The following SIL1 variants were observed in gnomAD, a reference collection of about 807,000 sequenced individuals.
The protein encoded by SIL1 is nucleotide exchange factor SIL1.
SIL1 carries 40 observed loss-of-function variants against 49.1 expected under a neutral mutation model. The observed-to-expected ratio is 0.81, with a 90% CI of 0.63 to 1.06. The LOEUF (loss-of-function observed/expected upper bound fraction) is 1.06. Among genes scored for constraint, SIL1 ranks in the 50% least tolerant of loss-of-function variants. SIL1 has a pLI of 0.00. For synonymous variants in SIL1, 253 were observed against 250.8 expected, an observed-to-expected ratio of 1.01 and a Z score of -0.08; for missense variants, 500 against 572.6, an observed-to-expected ratio of 0.87 and a Z score of 1.29.
intron 1 of SIL1, among the ~76,000 whole-genome samples, chr5:139,186,169 C>A (rs147980613): frequency 1.3e-5 from 2 of 152,258 alleles, no homozygotes; most frequent in African/African-American, 4.8e-5. Context: ...TGAGTCACCA[C>A]CTTTCTAGGG....
chr5:139,049,275 C>G (rs183339644), intron 4 of SIL1, among the ~76,000 whole-genome samples: 6 of 152,168 alleles, frequency 3.9e-5, no homozygotes, highest in Admixed American at 3.3e-4. Context: ...CAGGTTCAAG[C>G]GATTCTTCTG....
intron 3 of SIL1, among the ~76,000 whole-genome samples, chr5:139,102,470 A>C (rs546187995): frequency 2.1e-5 from 3 of 144,332 alleles, no homozygotes; most frequent in African/African-American, 5.2e-5. Context: ...AAAACATATT[A>C]CTTTGTCAGC....
At chr5:139,011,591 C>G (rs1459987026) in intron 7 of SIL1, among the ~76,000 whole-genome samples, 1 of 152,172 alleles carries the variant, frequency 6.6e-6, no homozygotes, top group African/African-American at 2.4e-5. Context: ...GCCTCAGCCT[C>G]CCAAAGTGCT....
At chr5:138,995,532 C>T (rs528426336) in intron 7 of SIL1, among the ~76,000 whole-genome samples, 126 of 152,212 alleles carry the variant, frequency 8.3e-4, no homozygotes, top group Non-Finnish European at 1.4e-3. Flanking sequence ...TGAGCCACCA[C>T]GCCCCACCTT....
At chr5:138,955,675 T>TGGCTACATAATTTTCAGGCCC (rs1766886856) in intron 7 of SIL1, among the ~76,000 whole-genome samples, 1 of 152,200 alleles carries the variant, frequency 6.6e-6, no homozygotes, top group South Asian at 2.1e-4. Flanking sequence ...GGCTCAGGGC[T>TGGCTACATAATTTTCAGGCCC]GGCTACATAA....
chr5:139,156,126 TA>T (rs1751403607), intron 1 of SIL1, among the ~76,000 whole-genome samples: 1 of 152,168 alleles, frequency 6.6e-6, no homozygotes, highest in Admixed American at 6.5e-5. Context: ...AATAGTAATA[TA>T]AAATATATGT....
At chr5:139,129,595 C>T (rs1279476653) in intron 1 of SIL1, among the ~76,000 whole-genome samples, 1 of 152,192 alleles carries the variant, frequency 6.6e-6, no homozygotes, top group Non-Finnish European at 1.5e-5. Context: ...TGGCGTGCAC[C>T]CAGGAGGCAG....
At chr5:138,975,213 A>G (rs1767369948) in intron 7 of SIL1, among the ~76,000 whole-genome samples, 1 of 152,170 alleles carries the variant, frequency 6.6e-6, no homozygotes, top group Admixed American at 6.5e-5. Flanking sequence ...GGGGCTGGTC[A>G]GCTGGTCAAT....
intron 7 of SIL1, among the ~76,000 whole-genome samples, chr5:138,974,243 G>A (rs901151455): frequency 4.6e-5 from 7 of 152,234 alleles, no homozygotes; most frequent in South Asian, 2.1e-4. Flanking sequence ...TTTATAAACC[G>A]TTCCTCTTGG....
At chr5:139,037,688 C>T (rs1768948556) in intron 5 of SIL1, among the ~76,000 whole-genome samples, 1 of 152,028 alleles carries the variant, frequency 6.6e-6, no homozygotes, top group South Asian at 2.1e-4. Context: ...TCTATAATTC[C>T]ATTTGGTTCT....
chr5:139,174,831 A>G (rs1421876461), intron 1 of SIL1, among the ~76,000 whole-genome samples: 1 of 150,742 alleles, frequency 6.6e-6, no homozygotes, highest in African/African-American at 2.4e-5. Context: ...CCAGCTACTC[A>G]GGAGGCTGAG....
At chr5:138,982,696 C>A (rs1256427554) in intron 7 of SIL1, among the ~76,000 whole-genome samples, 2 of 152,200 alleles carry the variant, frequency 1.3e-5, no homozygotes, top group African/African-American at 4.8e-5. Context: ...TCTCTGCGGC[C>A]CTCTGCATCC....
chr5:138,964,025 C>T (rs1305552014), intron 7 of SIL1, among the ~76,000 whole-genome samples: 2 of 152,224 alleles, frequency 1.3e-5, no homozygotes, highest in Non-Finnish European at 2.9e-5. Flanking sequence ...TGACCTTGCT[C>T]AAGGCCCTTT....
At chr5:139,056,979 ATTC>A (rs960043659) in intron 3 of SIL1, among the ~76,000 whole-genome samples, 331 of 152,236 alleles carry the variant, frequency 2.2e-3, no homozygotes, top group African/African-American at 6.7e-3. Flanking sequence ...ACTAAGAAAA[ATTC>A]TTCTGCCTTG....
intron 7 of SIL1, among the ~76,000 whole-genome samples, chr5:138,999,740 A>G (rs909582809): frequency 6.6e-6 from 1 of 152,220 alleles, no homozygotes; most frequent in Non-Finnish European, 1.5e-5. Context: ...CAGTTCTAAC[A>G]GTTTTTTTTG....
intron 3 of SIL1, among the ~76,000 whole-genome samples, chr5:139,095,678 A>C (rs537960259): frequency 2.6e-5 from 4 of 152,308 alleles, no homozygotes; most frequent in Admixed American, 6.5e-5. Context: ...AAAATACAAA[A>C]ATGAGCCATT....
intron 4 of SIL1, among the ~76,000 whole-genome samples, chr5:139,049,734 A>T (rs1483705078): frequency 6.6e-6 from 1 of 151,956 alleles, no homozygotes; most frequent in Non-Finnish European, 1.5e-5. Flanking sequence ...TTGAGGTTAC[A>T]GTGAACTATG....
At chr5:139,173,444 G>A (rs1751814950) in intron 1 of SIL1, among the ~76,000 whole-genome samples, 1 of 152,026 alleles carries the variant, frequency 6.6e-6, no homozygotes, top group Non-Finnish European at 1.5e-5. Flanking sequence ...CAGCTACTCA[G>A]GAGGCTGAGG....
chr5:138,964,805 C>A (rs1326572721), intron 7 of SIL1, among the ~76,000 whole-genome samples: 1 of 152,208 alleles, frequency 6.6e-6, no homozygotes, highest in African/African-American at 2.4e-5. Flanking sequence ...AAGAAAAAAA[C>A]ATTAAACCAG....
Sources: gnomAD v4.1 joint callset for allele counts (sites outside exome capture counted in the v4.1 genomes callset) on GRCh38, gnomAD v4.1.1 for gene constraint, MANE v1.5 for transcripts, NCBI Gene and HGNC (gene_info 2026-07-23, HGNC 2026-07-21) for gene names.